Variants in FRAS1 observed in about 807,000 individuals in gnomAD.
FRAS1 encodes the protein Fraser extracellular matrix complex subunit 1, also known as extracellular matrix organizing protein FRAS1.
In FRAS1, 290 loss-of-function variants were observed where a neutral mutation model predicts 435.2. The observed-to-expected ratio is 0.67, with a 90% CI of 0.61 to 0.73. The LOEUF (loss-of-function observed/expected upper bound fraction) is 0.73, where lower values mean the gene tolerates loss of function less well. Among genes scored for constraint, FRAS1 ranks in the 30% least tolerant of loss-of-function variants. FRAS1 has a pLI of 0.00. For missense variants in FRAS1, 4,860 were observed against 5,001.5 expected (o/e 0.97, Z 0.85); for synonymous variants, 1,800 against 1,851.0 (o/e 0.97, Z 0.71).
intron 2 of FRAS1, among the ~76,000 whole-genome samples, chr4:78,176,586 TCTGCAAC>T (rs1310975268): frequency 6.6e-6 from 1 of 152,204 alleles, no homozygotes; most frequent in African/African-American, 2.4e-5. Flanking sequence ...ATTCCCAGTT[TCTGCAAC>T]CTGTCCTCAT....
intron 2 of FRAS1, chr4:78,181,091 A>C: frequency 6.4e-7 from 1 of 1,559,578 alleles, no homozygotes; most frequent in Non-Finnish European, 8.8e-7. Context: ...AATCCTCAGC[A>C]TAAGCCTCTT....
chr4:78,280,136 G>A (rs1024356015), intron 10 of FRAS1, among the ~76,000 whole-genome samples: 1 of 152,124 alleles, frequency 6.6e-6, no homozygotes, highest in African/African-American at 2.4e-5. Flanking sequence ...TTCTTATTAA[G>A]TCAAGAACTT....
chr4:78,541,158 C>A lies in FRAS1; in HGVS notation c.*34C>A. 3 of 1,189,850 alleles carry A rather than the reference C, an allele frequency of 2.5e-6. No homozygotes were observed. Among genetic ancestry groups the A allele is most frequent in the South Asian group, 3.4e-5 (1 of 29,634 alleles). The allele number at this position is 1,189,850 out of a possible 1,614,324, so 73.7% of individuals were successfully genotyped here. A position where few individuals can be genotyped will look rare whatever the true frequency, so the allele number is the denominator to read the frequency against. On this transcript the variant is annotated 3_prime_UTR_variant, in exon 74 of 74. Coordinates refer to ENST00000512123, the MANE Select transcript of FRAS1 (RefSeq NM_025074.7). ...ACCTATGTGTATTTTTTTCTAAAAT[C>A]ATTTTTATAAAATGGGGGGAAATAC...
At chr4:78,232,469 TA>T (rs1187058850) in intron 2 of FRAS1, among the ~76,000 whole-genome samples, 1 of 152,040 alleles carries the variant, frequency 6.6e-6, no homozygotes, top group Admixed American at 6.5e-5. Context: ...GTGTTTTTAG[TA>T]GAGACAGGGT....
intron 2 of FRAS1, among the ~76,000 whole-genome samples, chr4:78,096,410 A>T (rs1741811102): frequency 6.6e-6 from 1 of 152,108 alleles, no homozygotes; most frequent in African/African-American, 2.4e-5. Flanking sequence ...GCTCCACTAG[A>T]AGGTACCCCA....
chr4:78,423,432 T>TA (rs1458941112), intron 34 of FRAS1, among the ~76,000 whole-genome samples: 5 of 37,882 alleles, frequency 1.3e-4, no homozygotes, highest in Non-Finnish European at 2.4e-4. Context: ...CCCAAAGTGC[T>TA]GGGAGCCACT....
rs878978657 is a variant in FRAS1 at position 78,541,100 on chromosome 4, T to C, written c.12015T>C (p.Asn4005=). Residue 4005 remains asparagine, a synonymous_variant, in exon 74 of 74, where the codon AAT becomes AAC. Transcript: ENST00000512123. ...ATCTAGAAGTCAGAGTTCACAACAA[T>C]TTACAAGATGGAACAGAAGTTTAAT... ...RLNLEVRVHN[N]LQDGTEV is the part of the protein sequence containing the mutation. The C allele has an allele frequency of 7.2e-7, 1 of 1,381,480 alleles. No homozygotes were observed. The highest frequency in any genetic ancestry group is 2.5e-5 in the East Asian group (1 of 40,200). 85.6% of individuals were successfully genotyped at this position (1,381,480 alleles called of 1,614,324 possible).
intron 2 of FRAS1, among the ~76,000 whole-genome samples, chr4:78,148,662 C>T (rs1720514180): frequency 6.6e-6 from 1 of 152,138 alleles, no homozygotes; most frequent in Non-Finnish European, 1.5e-5. Context: ...CCAAGTTCCC[C>T]ATGTTTTAAG....
At chr4:78,222,387 C>G (rs181931524) in intron 2 of FRAS1, among the ~76,000 whole-genome samples, 1 of 152,180 alleles carries the variant, frequency 6.6e-6, no homozygotes, top group African/African-American at 2.4e-5. Context: ...CCCAGAAACT[C>G]ATTGTCTTCT....
chr4:78,449,586 A>G (rs1223640270), intron 44 of FRAS1, among the ~76,000 whole-genome samples: 1 of 152,182 alleles, frequency 6.6e-6, no homozygotes, highest in Non-Finnish European at 1.5e-5. Context: ...GGAGTTTGCC[A>G]TTAGCCAGGG....
chr4:78,526,226 G>A (rs763373948), intron 69 of FRAS1, among the ~76,000 whole-genome samples: 34 of 152,154 alleles, frequency 2.2e-4, no homozygotes, highest in Non-Finnish European at 4.1e-4. Flanking sequence ...AAAGGAAATG[G>A]CCAATTCTGT....
Position 78,424,566 on chromosome 4 carries a change from T to C in FRAS1, c.4711+146T>C, listed in dbSNP as rs530639241. On this transcript the variant is annotated intron_variant, in intron 35 of 73. Transcript: ENST00000512123. ...AATTTTTCTTCTAAAACAAATTTCTTCTAAAATAAACAAATGGTTAGTTAA... is the reference window on the plus strand; with the variant it reads ...AATTTTTCTTCTAAAACAAATTTCTCCTAAAATAAACAAATGGTTAGTTAA... 37 of 463,322 alleles carry C rather than the reference T, an allele frequency of 8.0e-5. 1 individual carries two copies. The Middle Eastern group carries it at 1.7e-3, about 21-fold the overall frequency. The allele number at this position is 463,322 out of a possible 1,614,324, so 28.7% of individuals were successfully genotyped here.
At chr4:78,313,425 G>C (rs905781194) in intron 15 of FRAS1, among the ~76,000 whole-genome samples, 1 of 152,226 alleles carries the variant, frequency 6.6e-6, no homozygotes. Flanking sequence ...GGTTAGCAGG[G>C]TGTAGATGGA....
At chr4:78,368,480 C>T (rs1445623934) in intron 22 of FRAS1, among the ~76,000 whole-genome samples, 2 of 148,184 alleles carry the variant, frequency 1.3e-5, no homozygotes, top group East Asian at 4.1e-4. Context: ...AATGCTGGTG[C>T]TTGTATATAC....
rs1224276472 is a variant in FRAS1, at chr4:78,499,844, G to A, written c.9239G>A (p.Arg3080His). The change falls in exon 61 of 74, where the codon CGC (arginine) becomes CAC (histidine). Residue 3080 changes from arginine (R) to histidine (H), a missense_variant. Arg to His is a conservative substitution (Grantham distance 29). Coordinates refer to ENST00000512123, the MANE Select transcript of FRAS1 (RefSeq NM_025074.7). Reference protein sequence around the residue: ...RGDQNRTSKVRCSTRDGSAQS... With the variant: ...RGDQNRTSKVHCSTRDGSAQS... ...GATCAGAACAGGACCTCCAAGGTTC[G>A]CTGCAGCACGCGGGATGGCTCTGCC... 6 of 1,613,362 alleles carry A rather than the reference G, an allele frequency of 3.7e-6. No individual in the cohort carries two copies. The highest frequency in any genetic ancestry group is 5.1e-6 in the Non-Finnish European group (6 of 1,179,538).
At chr4:78,328,702 C>T (rs578236345) in intron 18 of FRAS1, among the ~76,000 whole-genome samples, 1 of 152,228 alleles carries the variant, frequency 6.6e-6, no homozygotes, top group African/African-American at 2.4e-5. Context: ...CCATCTAAAA[C>T]TTTAATTTGG....
intron 2 of FRAS1, among the ~76,000 whole-genome samples, chr4:78,172,748 G>A (rs974249656): frequency 2.0e-5 from 3 of 151,452 alleles, no homozygotes; most frequent in African/African-American, 7.3e-5. Context: ...ATTTTTAAAA[G>A]TCACCATTTT....
Position 78,272,607 on chromosome 4 carries a change from A to G in FRAS1, c.981+5175A>G, listed in dbSNP as rs189743908. ...TTCTTGTTTTTGTCACGTTTGTCAA[A>G]TATCAGATGGTTGTAGATATGCGGC... On this transcript the variant is annotated intron_variant, in intron 9 of 73. Transcript: ENST00000512123. Among the ~76,000 whole-genome samples the G allele has an allele frequency of 4.6e-5, 7 of 152,326 alleles. No homozygotes were observed. In the East Asian group the frequency reaches 1.4e-3, roughly 29 times the overall value.
At chr4:78,280,338 A>C (rs1727273498) in intron 10 of FRAS1, among the ~76,000 whole-genome samples, 1 of 152,196 alleles carries the variant, frequency 6.6e-6, no homozygotes, top group East Asian at 1.9e-4. Flanking sequence ...CATCTACAGC[A>C]TGGATATGCT....
Sources: gnomAD v4.1 joint callset for allele counts (sites outside exome capture counted in the v4.1 genomes callset) on GRCh38, gnomAD v4.1.1 for gene constraint, MANE v1.5 for transcripts, NCBI Gene and HGNC (gene_info 2026-07-23, HGNC 2026-07-21) for gene names.